The following RABGAP1L variants were observed in gnomAD, a reference collection of about 807,000 sequenced individuals.
RABGAP1L encodes the protein rab GTPase-activating protein 1-like.
RABGAP1L carries 63 observed loss-of-function variants against 137.7 expected under a neutral mutation model. The observed-to-expected ratio is 0.46, with a 90% CI of 0.37 to 0.56. The LOEUF is 0.56. Ranked by LOEUF, RABGAP1L falls within the 20% of genes least tolerant of loss-of-function variation. The pLI is 0.00. For synonymous variants in RABGAP1L, 431 were observed against 433.7 expected (o/e 0.99, Z 0.08); for missense variants, 1,095 against 1,244.0 (o/e 0.88, Z 1.80).
intron 18 of RABGAP1L, among the ~76,000 whole-genome samples, chr1:174,762,001 C>T (rs1685265569): frequency 6.6e-6 from 1 of 151,852 alleles, no homozygotes; most frequent in South Asian, 2.1e-4. Context: ...CAGGATAGGC[C>T]CCAACTAGAG....
intron 11 of RABGAP1L, among the ~76,000 whole-genome samples, chr1:174,342,201 A>G (rs1682032459): frequency 6.6e-6 from 1 of 152,148 alleles, no homozygotes; most frequent in African/African-American, 2.4e-5. Context: ...TTAATCAATA[A>G]CATTTTAAAT....
chr1:174,905,840 G>A (rs1027735830), intron 19 of RABGAP1L, among the ~76,000 whole-genome samples: 22 of 151,800 alleles, frequency 1.4e-4, no homozygotes, highest in African/African-American at 4.8e-4. Context: ...AACAGAGTGA[G>A]ACTCTGTCTA....
At chr1:174,651,464 G>T (rs2148391261) in intron 14 of RABGAP1L, among the ~76,000 whole-genome samples, 1 of 152,258 alleles carries the variant, frequency 6.6e-6, no homozygotes, top group South Asian at 2.1e-4. Flanking sequence ...TATTGTGTGG[G>T]AGTCTAAGTC....
intron 13 of RABGAP1L, among the ~76,000 whole-genome samples, chr1:174,497,772 C>A (rs982803289): frequency 1.3e-5 from 2 of 152,196 alleles, no homozygotes; most frequent in Non-Finnish European, 1.5e-5. Context: ...GTCATTTGAA[C>A]AAAAGATTCC....
At chr1:174,624,562 T>C (rs1672800033) in intron 13 of RABGAP1L, among the ~76,000 whole-genome samples, 1 of 152,196 alleles carries the variant, frequency 6.6e-6, no homozygotes, top group South Asian at 2.1e-4. Context: ...TATTCAAATA[T>C]ATGAATTAAA....
chr1:174,889,267 ATGCC>A (rs1286819622), intron 19 of RABGAP1L, among the ~76,000 whole-genome samples: 3 of 151,610 alleles, frequency 2.0e-5, no homozygotes, highest in Admixed American at 6.6e-5. Flanking sequence ...GGGACTACAG[ATGCC>A]TGCCACCACA....
chr1:174,824,245 G>GC (rs1691338510), intron 19 of RABGAP1L, among the ~76,000 whole-genome samples: 1 of 152,010 alleles, frequency 6.6e-6, no homozygotes, highest in African/African-American at 2.4e-5. Context: ...AGCTGAGTTC[G>GC]CTCCACTTCC....
rs888518967 is a variant in RABGAP1L at position 174,851,798 on chromosome 1, A to G, written c.2340+39838A>G. Among the ~76,000 whole-genome samples, 13 of 152,028 alleles carry G rather than the reference A, an allele frequency of 8.6e-5. No individual in the cohort carries two copies. In the South Asian group the frequency reaches 1.5e-3, roughly 17 times the overall value. The stretch of plus-strand genomic sequence containing the variant: ...AGCTTCCCAAAGTGTTGGGATTACA[A>G]TGTGTGCCACAACACCTGGCCTTTT... On this transcript the variant is annotated intron_variant, in intron 19 of 25. Coordinates refer to ENST00000681986, the MANE Select transcript of RABGAP1L (RefSeq NM_001366446.1).
chr1:174,452,061 C>A (rs1005814032), intron 13 of RABGAP1L, among the ~76,000 whole-genome samples: 4 of 152,074 alleles, frequency 2.6e-5, no homozygotes, highest in Non-Finnish European at 5.9e-5. Flanking sequence ...ACTTAACTTC[C>A]TTTTATCATA....
At chr1:174,199,317 G>C (rs538539222) in intron 1 of RABGAP1L, among the ~76,000 whole-genome samples, 1 of 151,828 alleles carries the variant, frequency 6.6e-6, no homozygotes, top group East Asian at 1.9e-4. Flanking sequence ...TTTAAGACAG[G>C]GTCTCGCTCT....
In RABGAP1L at chr1:174,190,301, C is replaced by CAA. The variant is rs57629149; in HGVS notation, c.-33-28807_-33-28806dup. Among the ~76,000 whole-genome samples the CAA allele has an allele frequency of 8.9e-3, 805 of 90,072 alleles. 13 individuals carry two copies. The highest frequency in any genetic ancestry group is 0.023 in the African/African-American group (646 of 28,276). 59.1% of individuals were successfully genotyped at this position (90,072 alleles called of 152,430 possible). Reference sequence around the variant, plus strand: ...CTGGTGACAGAGCGAGACTCCGTTGCAAAAAAAAAAAAAAAAAAGAAAGAA... The same window carrying CAA: ...CTGGTGACAGAGCGAGACTCCGTTGCAAAAAAAAAAAAAAAAAAAAGAAAGAA... On this transcript the variant is annotated intron_variant, in intron 1 of 25. Coordinates refer to ENST00000681986, the MANE Select transcript of RABGAP1L (RefSeq NM_001366446.1).
intron 13 of RABGAP1L, among the ~76,000 whole-genome samples, chr1:174,517,270 A>G (rs1198363530): frequency 1.3e-5 from 2 of 152,182 alleles, no homozygotes; most frequent in African/African-American, 2.4e-5. Context: ...TATTTATTTC[A>G]TATGTTTTGT....
intron 13 of RABGAP1L, among the ~76,000 whole-genome samples, chr1:174,489,559 G>A (rs372642132): frequency 6.6e-6 from 1 of 151,076 alleles, no homozygotes; most frequent in African/African-American, 2.4e-5. Context: ...GGAGAAATAG[G>A]AACACTTTTA....
chr1:174,920,971 G>A (rs1228154820), intron 19 of RABGAP1L, among the ~76,000 whole-genome samples: 3 of 152,180 alleles, frequency 2.0e-5, no homozygotes, highest in African/African-American at 7.2e-5. Flanking sequence ...CGCCCAGGCT[G>A]GAGTACAGTG....
intron 13 of RABGAP1L, among the ~76,000 whole-genome samples, chr1:174,467,893 T>C (rs1477530748): frequency 6.6e-6 from 1 of 152,128 alleles, no homozygotes; most frequent in Non-Finnish European, 1.5e-5. Flanking sequence ...ATAGAAGATA[T>C]TTCTAGAGTC....
intron 19 of RABGAP1L, among the ~76,000 whole-genome samples, chr1:174,956,338 T>C (rs1181188659): frequency 1.3e-5 from 2 of 152,026 alleles, no homozygotes; most frequent in Non-Finnish European, 2.9e-5. Flanking sequence ...GCTGGGACTA[T>C]AGATGTGCAC....
chr1:174,960,434 A>T (rs12068625), intron 20 of RABGAP1L, among the ~76,000 whole-genome samples: 6,549 of 152,232 alleles, frequency 0.043, 479 homozygotes, highest in African/African-American at 0.15. Context: ...ATATCGCTGT[A>T]GTCACCTTTA....
intron 18 of RABGAP1L, among the ~76,000 whole-genome samples, chr1:174,777,274 G>C (rs1381754580): frequency 6.6e-6 from 1 of 152,202 alleles, no homozygotes; most frequent in East Asian, 1.9e-4. Flanking sequence ...ATCATTCACA[G>C]ACTTGTGTTC....
rs564549048 is a variant in RABGAP1L, at chr1:174,204,698, G to A, written c.-33-14427G>A. 2.5e-4 allele frequency among the ~76,000 whole-genome samples: 38 copies of A among 152,266 alleles called. No homozygotes were observed. The South Asian group carries it at 7.9e-3, about 32-fold the overall frequency. ...TATTGAATTGTAATCCCCAGTGTTAGGGGAGGGACCTGGTGGGAGGTGATT... is the reference window on the plus strand; with the variant it reads ...TATTGAATTGTAATCCCCAGTGTTAAGGGAGGGACCTGGTGGGAGGTGATT... On this transcript the variant is annotated intron_variant, in intron 1 of 25. Coordinates refer to ENST00000681986, the MANE Select transcript of RABGAP1L (RefSeq NM_001366446.1).
Sources: gnomAD v4.1 joint callset for allele counts (sites outside exome capture counted in the v4.1 genomes callset) on GRCh38, gnomAD v4.1.1 for gene constraint, MANE v1.5 for transcripts, NCBI Gene and HGNC (gene_info 2026-07-23, HGNC 2026-07-21) for gene names.